The following CHRDL1 variants were observed in gnomAD, a reference collection of about 807,000 sequenced individuals.
CHRDL1 encodes the protein chordin like 1.
In CHRDL1, 19 loss-of-function variants were observed where a neutral mutation model predicts 40.9. The ratio of observed to expected loss-of-function variants is 0.46; its 90% CI spans 0.32 to 0.68. The LOEUF is 0.68. CHRDL1 is among the 30% of genes least tolerant of loss of function. The pLI, the probability that CHRDL1 is intolerant of heterozygous loss-of-function variation, is 0.03. For synonymous variants in CHRDL1, 136 were observed against 123.4 expected (o/e 1.10, Z -0.68); for missense variants, 329 against 352.1 (o/e 0.93, Z 0.53).
intron 2 of CHRDL1, among the ~76,000 whole-genome samples, chrX:110,775,064 T>A (rs1416452878): frequency 2.7e-5 from 3 of 111,948 alleles, no homozygotes; most frequent in African/African-American, 9.7e-5. Context: ...AATGTTGACT[T>A]TTGTGAAAAA....
intron 1 of CHRDL1, among the ~76,000 whole-genome samples, chrX:110,792,827 CAT>C (rs1238965862): frequency 1.8e-5 from 2 of 112,229 alleles, no homozygotes; most frequent in African/African-American, 3.2e-5. Flanking sequence ...ATGGTTCCAA[CAT>C]ATTCCTCCCC....
chrX:110,736,672 T>C (rs1280688044), intron 4 of CHRDL1, among the ~76,000 whole-genome samples: 1 of 111,721 alleles, frequency 9.0e-6, no homozygotes, highest in Admixed American at 9.5e-5. Flanking sequence ...TCATCCCTGA[T>C]TGAGAATCAC....
intron 4 of CHRDL1, among the ~76,000 whole-genome samples, chrX:110,738,632 C>G (rs2071304947): frequency 9.3e-6 from 1 of 107,855 alleles, no homozygotes; most frequent in African/African-American, 3.4e-5. Flanking sequence ...GTCCCAGCTA[C>G]GTGGGAGGCT....
Position 110,715,673 on chromosome X carries a change from A to G in CHRDL1, c.541+4162T>C, listed in dbSNP as rs575136309. On this transcript the variant is annotated intron_variant, in intron 6 of 11. Coordinates refer to ENST00000372042, the MANE Select transcript of CHRDL1 (RefSeq NM_001143981.2). ...CGTATTGCCCCTAGGTTGCAGTGACATGTCTTTTCACTGTTGCCTTTCCTT... is the reference window on the plus strand; with the variant it reads ...CGTATTGCCCCTAGGTTGCAGTGACGTGTCTTTTCACTGTTGCCTTTCCTT... Among the ~76,000 whole-genome samples the G allele has an allele frequency of 1.3e-4, 15 of 112,269 alleles. No individual in the cohort carries two copies. The South Asian group carries it at 5.2e-3, about 39-fold the overall frequency.
intron 6 of CHRDL1, among the ~76,000 whole-genome samples, chrX:110,712,225 C>T (rs773534641): frequency 6.4e-4 from 72 of 112,218 alleles, no homozygotes; most frequent in Non-Finnish European, 1.1e-3. Context: ...TCAATGAGAA[C>T]TAGAGTGATT....
intron 7 of CHRDL1, among the ~76,000 whole-genome samples, chrX:110,699,715 T>C (rs1314177860): frequency 8.9e-6 from 1 of 112,291 alleles, no homozygotes; most frequent in Non-Finnish European, 1.9e-5. Flanking sequence ...GTTTTGTTAC[T>C]TAACATATCT....
intron 6 of CHRDL1, among the ~76,000 whole-genome samples, chrX:110,702,438 C>CTT (rs749377498): frequency 8.9e-6 from 1 of 112,230 alleles, no homozygotes; most frequent in African/African-American, 3.2e-5. Context: ...TCAAGCATAA[C>CTT]TTTGTCCAAC....
chrX:110,700,708 C>T lies in CHRDL1; in HGVS notation c.555G>A (p.Leu185=). Residue 185 remains leucine, a synonymous_variant, in exon 7 of 12, where the codon CTG becomes CTA. Transcript: ENST00000372042. ...CCRVCRGDGE[L]SWEHSDGDIF... ...TATCACCATCAGAATGTTCCCATGACAGTTCTCCATCTCCTGTTTATTAAA... is the reference window on the plus strand; with the variant it reads ...TATCACCATCAGAATGTTCCCATGATAGTTCTCCATCTCCTGTTTATTAAA... 1 of 1,168,952 alleles carries T rather than the reference C, an allele frequency of 8.6e-7. No homozygotes were observed. The highest frequency in any genetic ancestry group is 1.2e-6 in the Non-Finnish European group (1 of 856,530).
At chrX:110,777,567 C>G (rs2089872501) in intron 2 of CHRDL1, among the ~76,000 whole-genome samples, 2 of 111,447 alleles carry the variant, frequency 1.8e-5, no homozygotes, top group Non-Finnish European at 3.8e-5. Flanking sequence ...GTAGTGGTAT[C>G]TCACTCTTAT....
At chrX:110,747,818 T>C (rs1488371546) in intron 4 of CHRDL1, among the ~76,000 whole-genome samples, 1 of 112,326 alleles carries the variant, frequency 8.9e-6, no homozygotes, top group Non-Finnish European at 1.9e-5. Flanking sequence ...CATTGTAGTT[T>C]TATCACATTT....
chrX:110,676,770 C>T (rs1034238110), intron 11 of CHRDL1, among the ~76,000 whole-genome samples: 5 of 111,474 alleles, frequency 4.5e-5, no homozygotes, highest in African/African-American at 1.6e-4. Context: ...TACTGTATTA[C>T]TGGGGCTTTG....
At chrX:110,726,269 C>T (rs776085476) in intron 4 of CHRDL1, among the ~76,000 whole-genome samples, 34 of 111,502 alleles carry the variant, frequency 3.0e-4, no homozygotes, top group Admixed American at 2.8e-3. Context: ...AAGGTGATGG[C>T]TTTTAGGAGA....
intron 9 of CHRDL1, among the ~76,000 whole-genome samples, chrX:110,682,318 G>C (rs749820110): frequency 8.9e-6 from 1 of 111,961 alleles, no homozygotes; most frequent in Non-Finnish European, 1.9e-5. Flanking sequence ...GAATGGTTGG[G>C]AGACACAAAA....
chrX:110,679,420 G>A lies in CHRDL1; in HGVS notation c.1162C>T (p.Leu388Phe). The A allele has an allele frequency of 1.7e-6, 2 of 1,194,096 alleles. No individual in the cohort carries two copies. Among genetic ancestry groups the A allele is most frequent in the Non-Finnish European group, 2.3e-6 (2 of 879,522 alleles). The change falls in exon 11 of 12, where the codon CTC becomes TTC. Residue 388 changes from leucine (L) to phenylalanine (F), a missense_variant. By Grantham distance (22) the Leu-to-Phe change is conservative (BLOSUM62 0). Coordinates refer to ENST00000372042, the MANE Select transcript of CHRDL1 (RefSeq NM_001143981.2). ...ATCTTCTCAATATGGAAGTGCTGGA[G>A]AATGCCTAGGGCCAAGCAAAAAGTG... Reference protein sequence around the residue: ...VHVWTIRKGILQHFHIEKISK... With the variant: ...VHVWTIRKGIFQHFHIEKISK...
intron 10 of CHRDL1, 143 bp from the exon 11 acceptor site, chrX:110,679,568 G>C (rs2069851655): frequency 3.9e-5 from 18 of 462,365 alleles, no homozygotes; most frequent in Middle Eastern, 6.1e-4. Context: ...TGCTTAACCA[G>C]GAACTTGGAT....
intron 5 of CHRDL1, among the ~76,000 whole-genome samples, 199 bp from the exon 6 acceptor site, chrX:110,720,127 G>A (rs1210084365): frequency 9.0e-6 from 1 of 110,785 alleles, no homozygotes; most frequent in Non-Finnish European, 1.9e-5. Flanking sequence ...CAGAGACTAA[G>A]CCACAGAAAA....
chrX:110,720,154 G>A (rs1006870725), intron 5 of CHRDL1, among the ~76,000 whole-genome samples: 3 of 110,951 alleles, frequency 2.7e-5, no homozygotes, highest in South Asian at 3.9e-4. Context: ...AATCCTAGTC[G>A]AGCATCATGG....
intron 2 of CHRDL1, among the ~76,000 whole-genome samples, chrX:110,786,305 T>C (rs1299384780): frequency 8.9e-6 from 1 of 112,440 alleles, no homozygotes; most frequent in East Asian, 2.8e-4. Context: ...TTTAAAAACA[T>C]TATCTTGCCC....
At chrX:110,761,610 A>G (rs990735216) in intron 3 of CHRDL1, among the ~76,000 whole-genome samples, 2 of 112,069 alleles carry the variant, frequency 1.8e-5, no homozygotes, top group Admixed American at 9.4e-5. Flanking sequence ...TTTGGTTATT[A>G]GGATTGGGGT....
Sources: gnomAD v4.1 joint callset for allele counts (sites outside exome capture counted in the v4.1 genomes callset) on GRCh38, gnomAD v4.1.1 for gene constraint, MANE v1.5 for transcripts, NCBI Gene and HGNC (gene_info 2026-07-23, HGNC 2026-07-21) for gene names.